PON3: variants seen among roughly 807,000 people sequenced by gnomAD.
PON3 encodes paraoxonase 3.
In PON3, 37 loss-of-function variants were observed where a neutral mutation model predicts 36.3. That is an observed-to-expected ratio of 1.02 (90% CI 0.78 to 1.34). The LOEUF (loss-of-function observed/expected upper bound fraction) is 1.34, where lower values mean the gene tolerates loss of function less well. Ranked by LOEUF, PON3 falls within the 40% of genes most tolerant of loss-of-function variation. The pLI is 0.00. For missense variants in PON3, 415 were observed against 426.5 expected (o/e 0.97, Z 0.24); for synonymous variants, 155 against 154.8 (o/e 1.00, Z -0.01).
chr7:95,374,968 C>A (rs1240847853), intron 3 of PON3, among the ~76,000 whole-genome samples: 1 of 152,018 alleles, frequency 6.6e-6, no homozygotes, highest in Non-Finnish European at 1.5e-5. Context: ...TTCAAGTCTG[C>A]ACATTTATTT....
intron 2 of PON3, among the ~76,000 whole-genome samples, chr7:95,390,636 C>T (rs1271608179): frequency 6.6e-6 from 1 of 152,188 alleles, no homozygotes; most frequent in Non-Finnish European, 1.5e-5. Flanking sequence ...AGCATTCCTT[C>T]TCTTCCAACG....
intron 5 of PON3, chr7:95,364,282 ACAGAAAT>A (rs1424315547): frequency 5.2e-6 from 3 of 573,932 alleles, no homozygotes; most frequent in Non-Finnish European, 9.3e-6. Context: ...CTTCTCTTTC[ACAGAAAT>A]CAGTGAAAAG....
chr7:95,367,363 T>G lies in PON3; in HGVS notation c.493A>C (p.Ser165Arg), dbSNP rs376520907. ...CCGCACAATACTTTCATTCCATACC[T>G]TTTGAGAAGTTCATGTTTTATAGTT... ...LKTIKHELLK[S>R]VNDIVVLGPE... The change falls in exon 5 of 9, where the codon AGT becomes CGT. Residue 165 changes from serine to arginine, a missense_variant and splice_region_variant. Physicochemically the swap from Ser to Arg is moderately radical, Grantham distance 110 (BLOSUM62 -1). Transcript: ENST00000265627. 15 of 1,612,024 alleles carry G rather than the reference T, an allele frequency of 9.3e-6. No homozygotes were observed. In the African/African-American group the frequency reaches 1.7e-4, roughly 19 times the overall value.
rs376906816 is a variant in PON3, at chr7:95,360,136, C to T, written c.907-5G>A. ...AACATTCTGGATGCGAAGTACCTGT[C>T]GAGAAAAGATCGTTTATTAGTATAT... On this transcript the variant is annotated splice_polypyrimidine_tract_variant and splice_region_variant and intron_variant, in intron 8 of 8. Coordinates refer to ENST00000265627, the MANE Select transcript of PON3 (RefSeq NM_000940.3). The T allele has an allele frequency of 3.3e-4, 531 of 1,611,704 alleles. 1 individual carries two copies. The highest frequency in any genetic ancestry group is 4.1e-4 in the Non-Finnish European group (484 of 1,177,980).
chr7:95,385,998 T>C (rs1809181352), intron 3 of PON3, among the ~76,000 whole-genome samples: 1 of 152,148 alleles, frequency 6.6e-6, no homozygotes, highest in Non-Finnish European at 1.5e-5. Context: ...CCCATTTACA[T>C]TTAAGGTTAG....
At chr7:95,367,240 T>G (rs1426188161) in intron 5 of PON3, 122 bp downstream of exon 5, 1 of 1,281,074 alleles carries the variant, frequency 7.8e-7, no homozygotes, top group Non-Finnish European at 1.1e-6. Context: ...ATTAGAAAGC[T>G]TTAGAAAAAA....
intron 8 of PON3, among the ~76,000 whole-genome samples, chr7:95,361,058 T>C (rs985639880): frequency 7.9e-5 from 12 of 152,148 alleles, no homozygotes; most frequent in African/African-American, 2.9e-4. Context: ...AATAATCCTA[T>C]GTATCATATT....
At chr7:95,379,320 C>T (rs909259056) in intron 3 of PON3, among the ~76,000 whole-genome samples, 3 of 152,190 alleles carry the variant, frequency 2.0e-5, no homozygotes, top group Non-Finnish European at 2.9e-5. Flanking sequence ...ACTGAGGTAC[C>T]GGGTTCATCT....
chr7:95,384,061 C>T (rs1809130372), intron 3 of PON3, among the ~76,000 whole-genome samples: 1 of 152,140 alleles, frequency 6.6e-6, no homozygotes, highest in Admixed American at 6.6e-5. Flanking sequence ...ACATCTACAA[C>T]TATCTGATCT....
chr7:95,377,102 G>A (rs1217180999), intron 3 of PON3, among the ~76,000 whole-genome samples: 1 of 152,232 alleles, frequency 6.6e-6, no homozygotes, highest in African/African-American at 2.4e-5. Context: ...TCCCTCCCGT[G>A]TCTGGCTCGG....
At chr7:95,367,340 G>T in intron 5 of PON3, 22 bp downstream of exon 5, 1 of 1,608,694 alleles carries the variant, frequency 6.2e-7, no homozygotes, top group Middle Eastern at 1.7e-4. Context: ...AAATAGAACC[G>T]CACAATACTT....
intron 3 of PON3, among the ~76,000 whole-genome samples, chr7:95,380,059 C>A (rs1241265325): frequency 6.6e-6 from 1 of 152,202 alleles, no homozygotes; most frequent in African/African-American, 2.4e-5. Context: ...ATTCGCTGTT[C>A]TGCAGCCTCC....
At chr7:95,362,518 C>A (rs756443271) in intron 7 of PON3, 28 bp from the exon 8 acceptor site, 27 of 1,612,868 alleles carry the variant, frequency 1.7e-5, no homozygotes. Context: ...GTAGTGAAGA[C>A]ATTGTCTCAA....
At chr7:95,376,916 T>C (rs1482925716) in intron 3 of PON3, among the ~76,000 whole-genome samples, 11 of 152,144 alleles carry the variant, frequency 7.2e-5, no homozygotes, top group Admixed American at 4.6e-4. Context: ...GTGCAGCCCA[T>C]GGAGGGCAAG....
At chr7:95,387,288 T>TATCC (rs1809217040) in intron 3 of PON3, among the ~76,000 whole-genome samples, 1 of 152,128 alleles carries the variant, frequency 6.6e-6, no homozygotes, top group Non-Finnish European at 1.5e-5. Flanking sequence ...TTCAGCAAAG[T>TATCC]TTCAGGATAC....
chr7:95,363,812 T>C (rs1352904860), intron 6 of PON3, 51 bp downstream of exon 6: 1 of 1,529,134 alleles, frequency 6.5e-7, no homozygotes, highest in South Asian at 1.1e-5. Context: ...AGGAAAGGAG[T>C]CCACGAAAAT....
chr7:95,376,828 T>C (rs959309783), intron 3 of PON3, among the ~76,000 whole-genome samples: 17 of 152,116 alleles, frequency 1.1e-4, no homozygotes, highest in African/African-American at 3.9e-4. Context: ...CCCAGTGAGA[T>C]CAACACAGAA....
At chr7:95,362,874 G>A (rs769877568) in intron 6 of PON3, 33 bp from the exon 7 acceptor site, 2 of 1,473,570 alleles carry the variant, frequency 1.4e-6, no homozygotes, top group Non-Finnish European at 1.9e-6. Context: ...ACTTAAGCAA[G>A]TGGTAATGAG....
chr7:95,382,532 T>C (rs1809084217), intron 3 of PON3, among the ~76,000 whole-genome samples: 1 of 152,144 alleles, frequency 6.6e-6, no homozygotes, highest in Non-Finnish European at 1.5e-5. Context: ...TCACCACTGA[T>C]CCCACAGAAA....
Sources: allele counts gnomAD v4.1 joint callset (sites outside exome capture counted in the v4.1 genomes callset), GRCh38; gene constraint gnomAD v4.1.1; transcripts MANE v1.5; gene names NCBI Gene and HGNC (gene_info 2026-07-23, HGNC 2026-07-21).